Variants in PRMT8 observed in about 807,000 individuals in gnomAD.
PRMT8 encodes protein arginine methyltransferase 8.
In PRMT8, 7 loss-of-function variants were observed where a neutral mutation model predicts 47.1. The observed-to-expected ratio is 0.15, with a 90% CI of 0.08 to 0.28. The LOEUF is 0.28. PRMT8 is among the 10% of genes least tolerant of loss of function. The pLI is 1.00. For missense variants in PRMT8, 237 were observed against 505.4 expected, an observed-to-expected ratio of 0.47 and a Z score of 5.09; for synonymous variants, 188 against 186.5, an observed-to-expected ratio of 1.01 and a Z score of -0.07.
At chr12:3,529,531 C>T (rs1186062744) in intron 1 of PRMT8, among the ~76,000 whole-genome samples, 1 of 152,232 alleles carries the variant, frequency 6.6e-6, no homozygotes, top group African/African-American at 2.4e-5. Context: ...CCAGTATTTT[C>T]AGTGAGTGTG....
chr12:3,460,265 C>G (rs1389453278), intron 1 of PRMT8, among the ~76,000 whole-genome samples: 1 of 152,178 alleles, frequency 6.6e-6, no homozygotes, highest in East Asian at 1.9e-4. Flanking sequence ...AATCTAGGTG[C>G]CCCTTGGGAT....
rs1033090704 is a variant in PRMT8 at position 3,436,855 on chromosome 12, C to G, written c.48+55413C>G. Among the ~76,000 whole-genome samples the G allele has an allele frequency of 6.6e-6, 1 of 152,140 alleles. No individual in the cohort carries two copies. The highest frequency in any genetic ancestry group is 2.1e-4 in the South Asian group (1 of 4,828). On this transcript the variant is annotated intron_variant, in intron 1 of 9. Transcript: ENST00000452611. This position sits in a 1 kb window ranked among gnomAD's most constrained non-coding sequence, Gnocchi z 4.2. ...TGATGCTGTGGCCTCTGTGGCAGGG[C>G]AAGCACAGGCTCTGCATTCCTGCTT... is the stretch of plus-strand genomic sequence containing the variant.
chr12:3,544,595 G>T (rs1866294775), intron 2 of PRMT8, among the ~76,000 whole-genome samples: 1 of 152,190 alleles, frequency 6.6e-6, no homozygotes, highest in African/African-American at 2.4e-5. Flanking sequence ...CAGGCTGGGG[G>T]TACTTATAGG....
At chr12:3,577,245 G>A (rs1000663636) in intron 7 of PRMT8, among the ~76,000 whole-genome samples, 5 of 152,228 alleles carry the variant, frequency 3.3e-5, no homozygotes, top group African/African-American at 9.6e-5. Context: ...GAAGGGTGGG[G>A]GTGCAGGGAA....
intron 2 of PRMT8, among the ~76,000 whole-genome samples, chr12:3,541,173 C>T (rs1318610541): frequency 6.6e-6 from 1 of 152,210 alleles, no homozygotes; most frequent in African/African-American, 2.4e-5. Context: ...CCTGAGGCAG[C>T]AAGGACCTTT....
chr12:3,499,188 C>T (rs866626064), intron 1 of PRMT8, among the ~76,000 whole-genome samples: 7 of 131,194 alleles, frequency 5.3e-5, no homozygotes, highest in Admixed American at 7.3e-5. Context: ...TTTTTTTTTT[C>T]CTTTCTTTTT....
intron 1 of PRMT8, among the ~76,000 whole-genome samples, chr12:3,434,986 T>C (rs1462453748): frequency 1.4e-5 from 2 of 146,534 alleles, no homozygotes; most frequent in Non-Finnish European, 3.0e-5. Context: ...TTTTTTTTTT[T>C]CAGAAGGAGT....
chr12:3,431,680 G>A (rs1864679972), intron 1 of PRMT8, among the ~76,000 whole-genome samples: 1 of 152,212 alleles, frequency 6.6e-6, no homozygotes, highest in Non-Finnish European at 1.5e-5. Context: ...GCTGAAAAAT[G>A]TTACATATCA....
chr12:3,592,879 C>A (rs1187380504), intron 9 of PRMT8, among the ~76,000 whole-genome samples: 1 of 152,192 alleles, frequency 6.6e-6, no homozygotes. Context: ...GTTATTAGAG[C>A]AGGAAGGATT....
chr12:3,519,702 G>A (rs1865852176), intron 1 of PRMT8, among the ~76,000 whole-genome samples: 1 of 152,162 alleles, frequency 6.6e-6, no homozygotes, highest in Non-Finnish European at 1.5e-5. Context: ...GAAAGGCTGG[G>A]GGGCTACATA....
intron 1 of PRMT8, among the ~76,000 whole-genome samples, chr12:3,520,845 G>A (rs987430171): frequency 6.6e-6 from 1 of 152,238 alleles, no homozygotes; most frequent in Admixed American, 6.5e-5. Flanking sequence ...GGAAAAATCT[G>A]GACAAAGCAA....
At chr12:3,428,923 C>T (rs1406632074) in intron 1 of PRMT8, among the ~76,000 whole-genome samples, 2 of 139,520 alleles carry the variant, frequency 1.4e-5, no homozygotes, top group Admixed American at 7.0e-5. Context: ...TCCTTGACTC[C>T]ATCTTTGTCT....
chr12:3,488,910 C>G (rs1015753575), upstream of PRMT8, among the ~76,000 whole-genome samples: 1 of 152,168 alleles, frequency 6.6e-6, no homozygotes, highest in African/African-American at 2.4e-5. Flanking sequence ...AATTAGCTTG[C>G]TTGTGAATTT....
At chr12:3,410,914 A>G (rs771478323) in intron 1 of PRMT8, among the ~76,000 whole-genome samples, 2 of 152,170 alleles carry the variant, frequency 1.3e-5, no homozygotes, top group East Asian at 3.9e-4. Context: ...TTAAGTTCTA[A>G]ACATTGTGTC....
At chr12:3,428,130 C>T (rs1168156446) in intron 1 of PRMT8, among the ~76,000 whole-genome samples, 2 of 152,166 alleles carry the variant, frequency 1.3e-5, no homozygotes, top group Non-Finnish European at 2.9e-5. Flanking sequence ...AAGGGAGTTC[C>T]TCATAGGTCT....
chr12:3,563,378 G>A (rs1866667992), intron 4 of PRMT8, among the ~76,000 whole-genome samples: 1 of 151,930 alleles, frequency 6.6e-6, no homozygotes, highest in Admixed American at 6.6e-5. Flanking sequence ...GGGGATTTGG[G>A]CAGGGAGAGG....
intron 8 of PRMT8, among the ~76,000 whole-genome samples, chr12:3,590,442 T>C (rs920843000): frequency 1.3e-5 from 2 of 152,186 alleles, no homozygotes; most frequent in Non-Finnish European, 2.9e-5. Context: ...AGGTGGCTCA[T>C]ATGATTGTGG....
At chr12:3,440,796 A>C (rs1202718816) in intron 1 of PRMT8, among the ~76,000 whole-genome samples, 1 of 152,226 alleles carries the variant, frequency 6.6e-6, no homozygotes, top group Non-Finnish European at 1.5e-5. Flanking sequence ...ACAAGAAAAC[A>C]GCAAGAAAAT....
chr12:3,439,283 C>G (rs1329304286), intron 1 of PRMT8, among the ~76,000 whole-genome samples: 2 of 152,120 alleles, frequency 1.3e-5, no homozygotes, highest in African/African-American at 4.8e-5. Flanking sequence ...CTCCACCCAT[C>G]TGTTTTAATG....
Sources: gnomAD v4.1 joint callset for allele counts (sites outside exome capture counted in the v4.1 genomes callset) on GRCh38, gnomAD v4.1.1 for gene constraint, Gnocchi (gnomAD v3.1) non-coding constraint, MANE v1.5 for transcripts, NCBI Gene and HGNC (gene_info 2026-07-23, HGNC 2026-07-21) for gene names.